The following SLC8A1 variants were observed in gnomAD, a reference collection of about 807,000 sequenced individuals.
SLC8A1 encodes the protein sodium/calcium exchanger 1.
Under a neutral mutation model 68.3 loss-of-function variants are expected in SLC8A1, and 18 were observed. That is an observed-to-expected ratio of 0.26 (90% CI 0.18 to 0.39). SLC8A1 has a LOEUF of 0.39. SLC8A1 is among the 10% of genes least tolerant of loss of function. The pLI is 1.00. For missense variants in SLC8A1, 985 were observed against 1,156.7 expected (o/e 0.85, Z 2.15); for synonymous variants, 475 against 415.5 (o/e 1.14, Z -1.74).
chr2:40,292,812 A>G (rs549381180), intron 2 of SLC8A1, among the ~76,000 whole-genome samples: 1 of 152,190 alleles, frequency 6.6e-6, no homozygotes, highest in African/African-American at 2.4e-5. Context: ...ATAGAAAAGG[A>G]AAGTTAAATT....
intron 2 of SLC8A1, among the ~76,000 whole-genome samples, chr2:40,330,149 A>T (rs929398063): frequency 1.3e-5 from 2 of 152,234 alleles, no homozygotes; most frequent in African/African-American, 4.8e-5. Context: ...ATTTATTAGG[A>T]CTAATGGTTA....
intron 3 of SLC8A1, chr2:40,177,729 T>C (rs1241948464): frequency 6.5e-6 from 9 of 1,394,340 alleles, no homozygotes; most frequent in South Asian, 1.2e-5. Context: ...TTCTCGCTGG[T>C]ATGTCTTTGT....
intron 2 of SLC8A1, among the ~76,000 whole-genome samples, chr2:40,200,595 A>G (rs2054176594): frequency 6.6e-6 from 1 of 151,500 alleles, no homozygotes; most frequent in Admixed American, 6.6e-5. Flanking sequence ...CACTTACTAT[A>G]TCACCTCTGT....
chr2:40,370,637 G>C (rs1349703851), intron 2 of SLC8A1, among the ~76,000 whole-genome samples: 1 of 151,978 alleles, frequency 6.6e-6, no homozygotes, highest in Non-Finnish European at 1.5e-5. Context: ...TATAAAATAT[G>C]TTAAATTGAC....
chr2:40,281,791 TC>T (rs1235769978), intron 2 of SLC8A1, among the ~76,000 whole-genome samples: 1 of 152,232 alleles, frequency 6.6e-6, no homozygotes, highest in Non-Finnish European at 1.5e-5. Context: ...CAGGGGAATT[TC>T]TGTAAGCCGG....
At position 40,122,236 on chromosome 2, in the gene SLC8A1, G is replaced by GCACACA. The variant is rs56977522; in HGVS notation, c.2438-6613_2438-6608dup. On this transcript the variant is annotated intron_variant, in intron 7 of 7. Coordinates refer to ENST00000406785, the Ensembl canonical transcript of SLC8A1. ...CACACACACACACACGTGTGCGCGCGCACACACACACACACACTTCACTGG... is the reference window on the plus strand; with the variant it reads ...CACACACACACACACGTGTGCGCGCGCACACACACACACACACACACACTTCACTGG... 6.0e-3 allele frequency among the ~76,000 whole-genome samples: 897 copies of GCACACA among 149,474 alleles called. 6 individuals are homozygous for GCACACA. The highest frequency in any genetic ancestry group is 0.021 in the African/African-American group (828 of 40,202).
At position 40,189,589 on chromosome 2, in the gene SLC8A1, C is replaced by T. The variant is rs1401899998; in HGVS notation, c.1809-11734G>A. Among the ~76,000 whole-genome samples the T allele has an allele frequency of 3.3e-5, 5 of 152,204 alleles. No individual in the cohort carries two copies. In the East Asian group the frequency reaches 7.7e-4, roughly 23 times the overall value. ...CCAGCCTCCCAAAGTGCTGGGATTACAGGCATGAGCCCCTGTGCCTGGCCC... is the reference window on the plus strand; with the variant it reads ...CCAGCCTCCCAAAGTGCTGGGATTATAGGCATGAGCCCCTGTGCCTGGCCC... On this transcript the variant is annotated intron_variant, in intron 2 of 7. Coordinates refer to ENST00000406785, the Ensembl canonical transcript of SLC8A1.
intron 2 of SLC8A1, among the ~76,000 whole-genome samples, chr2:40,272,656 C>A (rs1318959308): frequency 6.6e-6 from 1 of 152,210 alleles, no homozygotes; most frequent in African/African-American, 2.4e-5. Context: ...GCACACAGTT[C>A]GAGTTCCCAG....
chr2:40,494,307 C>A (rs1197577566), intron 1 of SLC8A1, among the ~76,000 whole-genome samples: 1 of 151,998 alleles, frequency 6.6e-6, no homozygotes, highest in Non-Finnish European at 1.5e-5. Context: ...AAAGAGGAAA[C>A]ACAAACATGA....
chr2:40,383,222 C>T (rs1030979952), intron 2 of SLC8A1, among the ~76,000 whole-genome samples: 1 of 152,070 alleles, frequency 6.6e-6, no homozygotes, highest in South Asian at 2.1e-4. Flanking sequence ...GAATTTTTCA[C>T]ATTTTTTTGA....
chr2:40,349,430 G>T (rs528271052), intron 2 of SLC8A1, among the ~76,000 whole-genome samples: 32 of 152,320 alleles, frequency 2.1e-4, no homozygotes, highest in African/African-American at 6.7e-4. Context: ...TTAAAGGGAA[G>T]CAGAATAAAA....
intron 1 of SLC8A1, among the ~76,000 whole-genome samples, chr2:40,470,030 T>C (rs1703912062): frequency 6.6e-6 from 1 of 152,176 alleles, no homozygotes; most frequent in African/African-American, 2.4e-5. Flanking sequence ...TCATCGACTA[T>C]TTGGTTTCCC....
At chr2:40,415,230 C>G (rs1387893595) in intron 2 of SLC8A1, among the ~76,000 whole-genome samples, 1 of 152,082 alleles carries the variant, frequency 6.6e-6, no homozygotes, top group Non-Finnish European at 1.5e-5. Flanking sequence ...GGTGATGTTG[C>G]TGAATAATTG....
intron 2 of SLC8A1, chr2:40,209,289 T>C (rs572222624): frequency 6.6e-6 from 1 of 152,282 alleles, no homozygotes; most frequent in South Asian, 2.1e-4. Flanking sequence ...ATCTGGATTA[T>C]TTGAAGGGGA....
intron 2 of SLC8A1, among the ~76,000 whole-genome samples, chr2:40,260,426 TC>T (rs370189470): frequency 3.3e-5 from 5 of 152,316 alleles, no homozygotes; most frequent in African/African-American, 1.2e-4. Context: ...TACCTTTTTT[TC>T]CCATAGGCTT....
exon 8 of SLC8A1, chr2:40,103,434 A>G (rs1230532937): frequency 6.6e-6 from 1 of 152,212 alleles, no homozygotes; most frequent in African/African-American, 2.4e-5. Context: ...TTTAAAAGAC[A>G]GTTGAATCTG....
chr2:40,419,773 C>T (rs1437342178), intron 2 of SLC8A1, among the ~76,000 whole-genome samples: 2 of 152,038 alleles, frequency 1.3e-5, no homozygotes, highest in Non-Finnish European at 2.9e-5. Flanking sequence ...ATTTTGCGTT[C>T]CCACTTTTTC....
chr2:40,163,600 G>T (rs1273263232), intron 5 of SLC8A1, among the ~76,000 whole-genome samples: 1 of 152,166 alleles, frequency 6.6e-6, no homozygotes, highest in Admixed American at 6.5e-5. Flanking sequence ...AGGCATGGTT[G>T]TGCAACAAGC....
At chr2:40,502,792 G>A (rs905630172) in intron 1 of SLC8A1, among the ~76,000 whole-genome samples, 9 of 151,994 alleles carry the variant, frequency 5.9e-5, no homozygotes, top group African/African-American at 2.2e-4. Context: ...TCACAGATCT[G>A]GTCACATTCC....
Sources: allele counts gnomAD v4.1 joint callset (sites outside exome capture counted in the v4.1 genomes callset), GRCh38; gene constraint gnomAD v4.1.1; transcripts MANE v1.5; gene names NCBI Gene and HGNC (gene_info 2026-07-23, HGNC 2026-07-21).